SNX29: variants seen among roughly 807,000 people sequenced by gnomAD.
SNX29 encodes the protein sorting nexin 29.
In SNX29, 78 loss-of-function variants were observed where a neutral mutation model predicts 102.1. The observed-to-expected ratio is 0.76, with a 90% confidence interval of 0.64 to 0.92. SNX29 has a LOEUF of 0.92. Among genes scored for constraint, SNX29 ranks in the 40% least tolerant of loss-of-function variants. The pLI is 0.00. For synonymous variants in SNX29, 580 were observed against 414.5 expected, an observed-to-expected ratio of 1.40 and a Z score of -4.85; for missense variants, 1,280 against 1,061.7, an observed-to-expected ratio of 1.21 and a Z score of -2.86.
intron 20 of SNX29, among the ~76,000 whole-genome samples, chr16:12,541,572 C>A (rs2077342481): frequency 6.6e-6 from 1 of 152,268 alleles, no homozygotes; most frequent in East Asian, 1.9e-4. Context: ...CCAAATTGCT[C>A]TCCATGCCAG....
chr16:12,489,765 T>C lies in SNX29; in HGVS notation c.2178+11906T>C, dbSNP rs1209147301. Among the ~76,000 whole-genome samples, 5 of 152,316 alleles carry C rather than the reference T, an allele frequency of 3.3e-5. No individual in the cohort carries two copies. In the East Asian group the frequency reaches 9.6e-4, roughly 29 times the overall value. On this transcript the variant is annotated intron_variant, in intron 19 of 20. Transcript: ENST00000566228. ...TTTTCCTTTCTTTCATTCTCTCTTCTTCCTCCCCCGTTCACTTCTCTACTT... is the reference window on the plus strand; with the variant it reads ...TTTTCCTTTCTTTCATTCTCTCTTCCTCCTCCCCCGTTCACTTCTCTACTT...
intron 13 of SNX29, among the ~76,000 whole-genome samples, chr16:12,139,979 T>TGGAAA (rs144110763): frequency 3.2e-5 from 2 of 63,070 alleles, no homozygotes; most frequent in African/African-American, 1.3e-4. Flanking sequence ...ATACCCTGTC[T>TGGAAA]CAAAAAAAAA....
chr16:12,292,465 C>G (rs978683785), intron 15 of SNX29, among the ~76,000 whole-genome samples: 1 of 152,214 alleles, frequency 6.6e-6, no homozygotes, highest in Non-Finnish European at 1.5e-5. Flanking sequence ...CGTGGCCGCT[C>G]TTGGCCTTTG....
At position 12,068,926 on chromosome 16, in the gene SNX29, A is replaced by G. The variant is rs1020264410; in HGVS notation, c.1244-131A>G. On this transcript the variant is annotated intron_variant, in intron 9 of 20. Transcript: ENST00000566228. ...AACAGCTGATTAAAATCCAGCTTGC[A>G]GGAGAGATGGAGAAAAATTTCTTAG... The G allele has an allele frequency of 2.0e-4, 152 of 753,718 alleles. 1 individual carries two copies. Among genetic ancestry groups the G allele is most frequent in the Middle Eastern group, 7.3e-4 (3 of 4,094 alleles). 46.7% of individuals were successfully genotyped at this position (753,718 alleles called of 1,614,324 possible). A position where few individuals can be genotyped will look rare whatever the true frequency, so the allele number is the denominator to read the frequency against.
chr16:12,124,926 G>A (rs2054138605), intron 11 of SNX29, among the ~76,000 whole-genome samples: 1 of 152,204 alleles, frequency 6.6e-6, no homozygotes, highest in African/African-American at 2.4e-5. Context: ...CCACAGTGCA[G>A]GAGCGCTGCT....
chr16:12,220,010 G>C (rs1205696571), intron 14 of SNX29, among the ~76,000 whole-genome samples: 1 of 152,244 alleles, frequency 6.6e-6, no homozygotes, highest in Non-Finnish European at 1.5e-5. Flanking sequence ...CCCTGACTGA[G>C]TGTCCTGCTT....
intron 1 of SNX29, chr16:11,977,615 T>G (rs1466364797): frequency 1.3e-5 from 2 of 152,720 alleles, no homozygotes; most frequent in Non-Finnish European, 2.9e-5. Context: ...TCCTTCTTCT[T>G]CCCAGTCCAA....
intron 18 of SNX29, among the ~76,000 whole-genome samples, chr16:12,415,289 A>C (rs1479443665): frequency 6.6e-6 from 1 of 152,146 alleles, no homozygotes; most frequent in Non-Finnish European, 1.5e-5. Context: ...AGTGGGCAGG[A>C]CCCCAATAAT....
intron 11 of SNX29, among the ~76,000 whole-genome samples, chr16:12,121,347 G>T (rs1312275743): frequency 6.6e-6 from 1 of 152,198 alleles, no homozygotes; most frequent in Non-Finnish European, 1.5e-5. Flanking sequence ...AACCCCATAG[G>T]GGCTCCCCCA....
chr16:12,561,905 C>A (rs774250980), intron 20 of SNX29, among the ~76,000 whole-genome samples: 1 of 152,152 alleles, frequency 6.6e-6, no homozygotes, highest in East Asian at 1.9e-4. Flanking sequence ...CCCAGGAGTT[C>A]CTTCTCCAGT....
intron 14 of SNX29, among the ~76,000 whole-genome samples, chr16:12,211,729 G>A (rs2077189352): frequency 1.3e-5 from 2 of 152,138 alleles, no homozygotes; most frequent in Admixed American, 1.3e-4. Flanking sequence ...CCGTCTGGGG[G>A]CAGAATTCGT....
chr16:12,540,527 T>G lies in SNX29; in HGVS notation c.2318+15686T>G, dbSNP rs147898333. ...TCTCGAGGTTGTGGGGCAGAATTTG[T>G]TTCGCGGCTTCCTGGCAGCCACCCT... On this transcript the variant is annotated intron_variant, in intron 20 of 20. Coordinates refer to ENST00000566228, the MANE Select transcript of SNX29 (RefSeq NM_032167.5). Among the ~76,000 whole-genome samples the G allele has an allele frequency of 4.4e-3, 674 of 152,164 alleles. 4 individuals are homozygous for G. Among genetic ancestry groups the G allele is most frequent in the African/African-American group, 0.015 (635 of 41,410 alleles).
intron 10 of SNX29, among the ~76,000 whole-genome samples, chr16:12,070,392 T>C (rs1157172358): frequency 6.7e-6 from 1 of 148,328 alleles, no homozygotes; most frequent in African/African-American, 2.5e-5. Context: ...GTGTTCTCAT[T>C]GTTCAATTCC....
intron 17 of SNX29, among the ~76,000 whole-genome samples, chr16:12,403,196 G>A (rs1286199765): frequency 1.2e-5 from 1 of 82,838 alleles, no homozygotes; most frequent in African/African-American, 6.6e-5. Flanking sequence ...TACAGATTGT[G>A]TGTGTATGTG....
rs148866339 is a variant in SNX29, at chr16:12,569,059, A to G, written c.*430A>G. The G allele has an allele frequency of 2.5e-5, 5 of 199,416 alleles. No individual in the cohort carries two copies. The highest frequency in any genetic ancestry group is 1.3e-4 in the African/African-American group (5 of 38,938). 12.4% of individuals were successfully genotyped at this position (199,416 alleles called of 1,614,324 possible). On this transcript the variant is annotated 3_prime_UTR_variant, in exon 21 of 21. Transcript: ENST00000566228. ...TTCCCACGTGGGGACTAGAATGACTATTAGCCTCTCCTTTTGCTTTTTAAG... is the reference window on the plus strand; with the variant it reads ...TTCCCACGTGGGGACTAGAATGACTGTTAGCCTCTCCTTTTGCTTTTTAAG...
chr16:12,268,388 G>A (rs192855173), intron 14 of SNX29, among the ~76,000 whole-genome samples: 24 of 152,308 alleles, frequency 1.6e-4, no homozygotes, highest in African/African-American at 5.8e-4. Flanking sequence ...CCTGCTAAGC[G>A]GTAGAGCCAG....
At chr16:12,108,076 C>CTCT (rs1273044852) in intron 11 of SNX29, among the ~76,000 whole-genome samples, 3 of 152,166 alleles carry the variant, frequency 2.0e-5, no homozygotes, top group Non-Finnish European at 4.4e-5. Flanking sequence ...ACATCAATTG[C>CTCT]TCTTTGCTGT....
At chr16:12,435,546 A>G (rs12598586) in intron 18 of SNX29, among the ~76,000 whole-genome samples, 6,014 of 152,226 alleles carry the variant, frequency 0.04, 299 homozygotes, top group East Asian at 0.28. Context: ...CCTTCTAGAC[A>G]TCTCTTGGGA....
chr16:12,047,564 A>T (rs371482151), intron 6 of SNX29, among the ~76,000 whole-genome samples: 6 of 151,948 alleles, frequency 3.9e-5, no homozygotes, highest in Non-Finnish European at 8.8e-5. Context: ...TTTAATACTT[A>T]CAATCCTGTG....
Sources: allele counts gnomAD v4.1 joint callset (sites outside exome capture counted in the v4.1 genomes callset), GRCh38; gene constraint gnomAD v4.1.1; transcripts MANE v1.5; gene names NCBI Gene and HGNC (gene_info 2026-07-23, HGNC 2026-07-21).